The following ITGBL1 variants were observed in gnomAD, a reference collection of about 807,000 sequenced individuals.
ITGBL1 encodes integrin subunit beta like 1.
ITGBL1 carries 51 observed loss-of-function variants against 68.5 expected under a neutral mutation model. The observed-to-expected ratio is 0.74, with a 90% CI of 0.59 to 0.94. The LOEUF (loss-of-function observed/expected upper bound fraction) is 0.94. ITGBL1 is among the 40% of genes least tolerant of loss of function. The pLI is 0.00. For missense variants in ITGBL1, 649 were observed against 647.4 expected (o/e 1.00, Z -0.03); for synonymous variants, 209 against 227.3 (o/e 0.92, Z 0.72).
chr13:101,552,969 G>A (rs1032096688), intron 2 of ITGBL1, among the ~76,000 whole-genome samples: 5 of 152,164 alleles, frequency 3.3e-5, no homozygotes, highest in African/African-American at 7.2e-5. Context: ...TTTGTGTGGG[G>A]GATTCTTTAC....
intron 2 of ITGBL1, among the ~76,000 whole-genome samples, chr13:101,464,531 CTA>C (rs546437405): frequency 2.1e-4 from 31 of 150,490 alleles, no homozygotes; most frequent in Admixed American, 3.3e-4. Flanking sequence ...CTCTCTCTCT[CTA>C]TATATATATA....
At chr13:101,458,007 G>A (rs754849498) in intron 2 of ITGBL1, among the ~76,000 whole-genome samples, 109 of 152,278 alleles carry the variant, frequency 7.2e-4, no homozygotes, top group Middle Eastern at 3.4e-3. Context: ...TTCAGTTTTA[G>A]TAATTTAGGA....
chr13:101,470,295 A>C (rs1004999127), intron 2 of ITGBL1, among the ~76,000 whole-genome samples: 2 of 152,094 alleles, frequency 1.3e-5, no homozygotes, highest in African/African-American at 4.8e-5. Flanking sequence ...AAGATAGTAT[A>C]ATATAGGCAT....
chr13:101,579,296 A>G lies in ITGBL1; in HGVS notation c.596A>G (p.Lys199Arg). Residue 199 changes from lysine to arginine, a missense_variant, in exon 5 of 11, where the codon AAG becomes AGG. Transcript: ENST00000376180. ...ETEEICGGHGKCYCGNCYCKA... is the reference protein window; with the variant it reads ...ETEEICGGHGRCYCGNCYCKA... ...TTCATTTTGGGTAAAGGCCATGGGA[A>G]GTGTTACTGTGGAAACTGCTACTGC... 1 of 1,613,656 alleles carries G rather than the reference A, an allele frequency of 6.2e-7. No homozygotes were observed. The highest frequency in any genetic ancestry group is 8.5e-7 in the Non-Finnish European group (1 of 1,179,690).
intron 2 of ITGBL1, among the ~76,000 whole-genome samples, chr13:101,506,165 G>A (rs1295421022): frequency 6.6e-6 from 1 of 152,178 alleles, no homozygotes; most frequent in African/African-American, 2.4e-5. Context: ...GTCCTAAAAT[G>A]TGAGAATGTA....
chr13:101,502,279 A>T (rs1246187829), intron 2 of ITGBL1, among the ~76,000 whole-genome samples: 1 of 152,236 alleles, frequency 6.6e-6, no homozygotes, highest in East Asian at 1.9e-4. Flanking sequence ...ATAATAAGTT[A>T]TCAGAAGGTT....
intron 7 of ITGBL1, among the ~76,000 whole-genome samples, chr13:101,639,395 T>C (rs2032288333): frequency 6.6e-6 from 1 of 152,140 alleles, no homozygotes; most frequent in African/African-American, 2.4e-5. Flanking sequence ...GATACACATA[T>C]CTAATCATCA....
At chr13:101,665,491 TA>T (rs2033193070) in intron 7 of ITGBL1, among the ~76,000 whole-genome samples, 1 of 152,208 alleles carries the variant, frequency 6.6e-6, no homozygotes, top group Admixed American at 6.5e-5. Context: ...GGGACCTTGC[TA>T]AATTAATTTA....
At chr13:101,653,872 T>G (rs1566777090) in intron 7 of ITGBL1, among the ~76,000 whole-genome samples, 1 of 145,514 alleles carries the variant, frequency 6.9e-6, no homozygotes, top group East Asian at 2.0e-4. Context: ...TGTTTTTTGT[T>G]TTTTTTTTTT....
In ITGBL1 at chr13:101,548,181, C is replaced by A. The variant is rs1257946225; in HGVS notation, c.317-19518C>A. 2.0e-5 allele frequency among the ~76,000 whole-genome samples: 3 copies of A among 151,808 alleles called. No homozygotes were observed. In the East Asian group the frequency reaches 5.8e-4, roughly 29 times the overall value. On this transcript the variant is annotated intron_variant, in intron 2 of 10. Transcript: ENST00000376180. ...AAGTTTATTCTTCAAGGCTGCAAAA[C>A]ATTGACTATATCCCCAGATAAATAT... is the stretch of plus-strand genomic sequence containing the variant.
Position 101,607,765 on chromosome 13 carries a change from A to C in ITGBL1, c.1015+9466A>C, listed in dbSNP as rs540037390. Among the ~76,000 whole-genome samples, 6 of 152,158 alleles carry C rather than the reference A, an allele frequency of 3.9e-5. No individual in the cohort carries two copies. In the East Asian group the frequency reaches 1.2e-3, roughly 29 times the overall value. ...TTTAAATTATCAGTTAGCTCTTCTCAATGTATATTGCTGTTGGTGTTACAA... is the reference window on the plus strand; with the variant it reads ...TTTAAATTATCAGTTAGCTCTTCTCCATGTATATTGCTGTTGGTGTTACAA... On this transcript the variant is annotated intron_variant, in intron 7 of 10. Coordinates refer to ENST00000376180, the MANE Select transcript of ITGBL1 (RefSeq NM_004791.3).
intron 2 of ITGBL1, among the ~76,000 whole-genome samples, chr13:101,519,327 T>C (rs1436272195): frequency 6.6e-6 from 1 of 152,282 alleles, no homozygotes; most frequent in East Asian, 1.9e-4. Context: ...TGGTTGTCTA[T>C]TGAGCACTTG....
In ITGBL1 at chr13:101,604,865, T is replaced by TAC. The variant is rs1413215234; in HGVS notation, c.1015+6567_1015+6568insCA. Among the ~76,000 whole-genome samples the TAC allele has an allele frequency of 1.1e-4, 2 of 17,976 alleles. 1 individual carries two copies. Among genetic ancestry groups the TAC allele is most frequent in the Admixed American group, 1.9e-3 (2 of 1,076 alleles). The allele number at this position is 17,976 out of a possible 152,430, so 11.8% of individuals were successfully genotyped here. A position where few individuals can be genotyped will look rare whatever the true frequency, so the allele number is the denominator to read the frequency against. ...AAGGCAATATATATATATATATATA[T>TAC]ATATATATATATATATATATATACA... On this transcript the variant is annotated intron_variant, in intron 7 of 10. Transcript: ENST00000376180.
chr13:101,526,155 C>CTTTTT (rs66790287), intron 2 of ITGBL1, among the ~76,000 whole-genome samples: 57 of 136,560 alleles, frequency 4.2e-4, no homozygotes, highest in East Asian at 2.8e-3. Context: ...TCTTCTTCTT[C>CTTTTT]TTTTTTTTTT....
At chr13:101,638,418 CT>C (rs2139424401) in intron 7 of ITGBL1, among the ~76,000 whole-genome samples, 1 of 118,008 alleles carries the variant, frequency 8.5e-6, no homozygotes, top group East Asian at 2.6e-4. Context: ...CAGTATTTAC[CT>C]TCTTTCTTAA....
chr13:101,495,439 C>G (rs2048843183), intron 2 of ITGBL1, among the ~76,000 whole-genome samples: 1 of 152,162 alleles, frequency 6.6e-6, no homozygotes, highest in Non-Finnish European at 1.5e-5. Context: ...CTAGAGTCCT[C>G]TCATGAAAAT....
intron 7 of ITGBL1, among the ~76,000 whole-genome samples, chr13:101,606,273 A>T (rs1227513670): frequency 6.7e-6 from 1 of 150,312 alleles, no homozygotes. Flanking sequence ...GTGGTGACTA[A>T]GTGTGATCAT....
Position 101,574,473 on chromosome 13 carries a change from A to G in ITGBL1, c.464-951A>G, listed in dbSNP as rs147366500. On this transcript the variant is annotated intron_variant, in intron 3 of 10. Transcript: ENST00000376180. The stretch of plus-strand genomic sequence containing the variant: ...CTTCTGCAACACTTTGCACTTCTGT[A>G]TTTATTTTATCACATTGGTTTTTGC... Among the ~76,000 whole-genome samples, 26 of 152,194 alleles carry G rather than the reference A, an allele frequency of 1.7e-4. No individual in the cohort carries two copies. In the East Asian group the frequency reaches 3.7e-3, roughly 22 times the overall value.
chr13:101,462,519 G>A (rs1031567338), intron 2 of ITGBL1, among the ~76,000 whole-genome samples: 1 of 152,116 alleles, frequency 6.6e-6, no homozygotes, highest in Non-Finnish European at 1.5e-5. Context: ...GGATGCAAGG[G>A]CTGAGTCTTT....
Sources: gnomAD v4.1 joint callset for allele counts (sites outside exome capture counted in the v4.1 genomes callset) on GRCh38, gnomAD v4.1.1 for gene constraint, MANE v1.5 for transcripts, NCBI Gene and HGNC (gene_info 2026-07-23, HGNC 2026-07-21) for gene names.